Variants in MYH9 observed in about 807,000 individuals in gnomAD.
MYH9 encodes myosin-9.
MYH9 carries 29 observed loss-of-function variants against 241.9 expected under a neutral mutation model. That is an observed-to-expected ratio of 0.12 (90% CI 0.09 to 0.16). The LOEUF is 0.16. Among genes scored for constraint, MYH9 ranks in the 10% least tolerant of loss-of-function variants. The pLI is 1.00. For synonymous variants in MYH9, 1,047 were observed against 1,062.6 expected (o/e 0.99, Z 0.29); for missense variants, 1,803 against 2,595.5 (o/e 0.69, Z 6.63).
intron 1 of MYH9, among the ~76,000 whole-genome samples, chr22:36,357,144 C>A (rs370436708): frequency 1.3e-5 from 2 of 152,086 alleles, no homozygotes; most frequent in South Asian, 2.1e-4. Context: ...ACTGACTCAG[C>A]GAAGAAGAGG....
intron 1 of MYH9, among the ~76,000 whole-genome samples, chr22:36,356,738 G>A (rs1473441540): frequency 1.3e-5 from 2 of 152,190 alleles, no homozygotes; most frequent in African/African-American, 2.4e-5. Context: ...ATCCCAGGGG[G>A]TTTCTAATGA....
chr22:36,356,669 T>G (rs936937937), intron 1 of MYH9, among the ~76,000 whole-genome samples: 1 of 151,880 alleles, frequency 6.6e-6, no homozygotes, highest in Non-Finnish European at 1.5e-5. Context: ...GATTCACTTA[T>G]TCAATCAACT....
intron 2 of MYH9, among the ~76,000 whole-genome samples, chr22:36,346,953 G>A (rs1188672363): frequency 6.6e-6 from 1 of 152,088 alleles, no homozygotes; most frequent in Non-Finnish European, 1.5e-5. Context: ...AAAACATTTT[G>A]AGGACTGTTT....
At chr22:36,323,629 G>A (rs1346212952) in intron 5 of MYH9, among the ~76,000 whole-genome samples, 1 of 152,150 alleles carries the variant, frequency 6.6e-6, no homozygotes, top group Non-Finnish European at 1.5e-5. Context: ...ACCTGCCACA[G>A]ACGAGACCCA....
intron 2 of MYH9, among the ~76,000 whole-genome samples, chr22:36,347,862 A>G (rs539183638): frequency 6.6e-6 from 1 of 151,602 alleles, no homozygotes; most frequent in South Asian, 2.1e-4. Flanking sequence ...GCTTGGGGCA[A>G]ATGGTGAAGG....
intron 2 of MYH9, among the ~76,000 whole-genome samples, chr22:36,345,278 C>T (rs145136276): frequency 0.03 from 4,444 of 146,570 alleles, 214 homozygotes; most frequent in African/African-American, 0.11. Context: ...TGCCACTGCA[C>T]TCCAGCCTGG....
rs141703408 is a variant in MYH9 at position 36,289,854 on chromosome 22, A to T, written c.4345-557T>A. 1.7e-4 allele frequency among the ~76,000 whole-genome samples: 26 copies of T among 152,298 alleles called. 1 individual carries two copies. In the East Asian group the frequency reaches 4.8e-3, roughly 28 times the overall value. ...CTGACCATTTCCTAAAGGGCCAGAT[A>T]GTGCATTCTTTAGAGTATGCAGGCC... On this transcript the variant is annotated intron_variant, in intron 31 of 40. Transcript: ENST00000216181.
Position 36,305,937 on chromosome 22 carries a change from G to A in MYH9, c.2152C>T (p.Arg718Trp), listed in dbSNP as rs1184544985. ...CTCCGGGCCCTGGCTCACCTCTGCC[G>A]AAACTCCTGGAAGACCACCCTGTTG... is the stretch of plus-strand genomic sequence containing the variant. ...FPNRVVFQEF[R>W]QRYEILTPNS... is the part of the protein sequence containing the mutation. Residue 718 changes from arginine to tryptophan, a missense_variant, in exon 17 of 41, where the codon CGG (arginine) becomes TGG (tryptophan). By Grantham distance (101) the Arg-to-Trp change is moderately radical (BLOSUM62 -3). Coordinates refer to ENST00000216181, the MANE Select transcript of MYH9 (RefSeq NM_002473.6). This position sits in a 1 kb window ranked among gnomAD's most constrained non-coding sequence, Gnocchi z 4.7. The A allele has an allele frequency of 6.2e-7, 1 of 1,613,172 alleles. No individual in the cohort carries two copies. The highest frequency in any genetic ancestry group is 2.2e-5 in the East Asian group (1 of 44,874).
At chr22:36,312,429 G>A (rs2017079776) in intron 13 of MYH9, among the ~76,000 whole-genome samples, 1 of 152,220 alleles carries the variant, frequency 6.6e-6, no homozygotes, top group Admixed American at 6.5e-5. Context: ...CTTTACCCAA[G>A]GATCCATCGC....
Position 36,288,690 on chromosome 22 carries a change from C to A in MYH9, c.4770+37G>T, listed in dbSNP as rs1173215988. 1 of 1,599,128 alleles carries A rather than the reference C, an allele frequency of 6.3e-7. No homozygotes were observed. The highest frequency in any genetic ancestry group is 1.1e-5 in the South Asian group (1 of 91,038). Reference sequence around the variant, plus strand: ...GAAGCCTGCGTGAAGCCAAGGCAGCCTTGGGCACCCATGGGGTAGCAGGAG... The same window carrying A: ...GAAGCCTGCGTGAAGCCAAGGCAGCATTGGGCACCCATGGGGTAGCAGGAG... On this transcript the variant is annotated intron_variant, in intron 33 of 40. Transcript: ENST00000216181. This position sits in a 1 kb window ranked among gnomAD's most constrained non-coding sequence, Gnocchi z 4.8.
chr22:36,353,247 T>C (rs2017800690), intron 1 of MYH9, among the ~76,000 whole-genome samples: 1 of 152,132 alleles, frequency 6.6e-6, no homozygotes, highest in Admixed American at 6.6e-5. Context: ...AAAGAGCTGC[T>C]AAAAATTCAA....
intron 32 of MYH9, 22 bp downstream of exon 32, chr22:36,289,063 G>A (rs2016640708): frequency 1.2e-6 from 2 of 1,613,900 alleles, no homozygotes; most frequent in South Asian, 1.1e-5. Context: ...CCCAAGACCT[G>A]GCTGCCAGGC....
intron 12 of MYH9, 44 bp from the exon 13 acceptor site, chr22:36,314,362 C>T (rs1159517753): frequency 1.2e-6 from 2 of 1,610,030 alleles, no homozygotes; most frequent in Non-Finnish European, 8.5e-7. Flanking sequence ...CAACCCTGCA[C>T]TAAAGAGGCC....
chr22:36,293,901 A>AC lies in MYH9; in HGVS notation c.3838-39dup. On this transcript the variant is annotated intron_variant, in intron 28 of 40. Transcript: ENST00000216181. This position sits in a 1 kb window ranked among gnomAD's most constrained non-coding sequence, Gnocchi z 5.1. Reference sequence around the variant, plus strand: ...GGGAGACACAAAGGACCATGGACCCACCCCCACTGCTCCTGCCCCACCTCA... The same window carrying AC: ...GGGAGACACAAAGGACCATGGACCCACCCCCCACTGCTCCTGCCCCACCTCA... 6.4e-7 allele frequency: 1 copy of AC among 1,569,754 alleles called. No individual in the cohort carries two copies. The highest frequency in any genetic ancestry group is 8.7e-7 in the Non-Finnish European group (1 of 1,147,724).
At chr22:36,308,208 T>C (rs2146350483) in intron 15 of MYH9, among the ~76,000 whole-genome samples, 3 of 152,272 alleles carry the variant, frequency 2.0e-5, no homozygotes, top group African/African-American at 7.2e-5. Context: ...TTTAAGACGC[T>C]GTCTTTAGGC....
Position 36,293,202 on chromosome 22 carries a change from G to A in MYH9, c.4095+127C>T, listed in dbSNP as rs2016733866. On this transcript the variant is annotated intron_variant, in intron 30 of 40. Coordinates refer to ENST00000216181, the MANE Select transcript of MYH9 (RefSeq NM_002473.6). The surrounding 1 kb of genome is among the most constrained non-coding windows in gnomAD (Gnocchi z 5.1). ...AGCACTGATGTGGGAGAGCACGGTT[G>A]GCTTCCCAGGGGGAGAGCAGCAATG... The A allele has an allele frequency of 1.1e-5, 14 of 1,222,038 alleles. No homozygotes were observed. The highest frequency in any genetic ancestry group is 1.6e-5 in the Non-Finnish European group (14 of 860,206). The allele number at this position is 1,222,038 out of a possible 1,614,324, so 75.7% of individuals were successfully genotyped here. A position where few individuals can be genotyped will look rare whatever the true frequency, so the allele number is the denominator to read the frequency against.
At chr22:36,384,424 GAT>G (rs2018307649) in intron 1 of MYH9, among the ~76,000 whole-genome samples, 1 of 142,886 alleles carries the variant, frequency 7.0e-6, no homozygotes, top group African/African-American at 2.6e-5. Flanking sequence ...CTCAACTACA[GAT>G]ATAAAAACTA....
chr22:36,371,138 T>C (rs2146416475), intron 1 of MYH9, among the ~76,000 whole-genome samples: 1 of 152,338 alleles, frequency 6.6e-6, no homozygotes, highest in African/African-American at 2.4e-5. Flanking sequence ...TACTCCCTTC[T>C]TCCCTGTTAC....
rs776328085 is a variant in MYH9 at position 36,293,305 on chromosome 22, G to A, written c.4095+24C>T. ...AGCAGCTCCCCAGCCTGCAGAGTCC[G>A]GCCGGTCCCCCAGGCCTCCAAACCT... On this transcript the variant is annotated intron_variant, in intron 30 of 40. Transcript: ENST00000216181. The surrounding 1 kb of genome is among the most constrained non-coding windows in gnomAD (Gnocchi z 5.1). 1.8e-5 allele frequency: 29 copies of A among 1,613,570 alleles called. No individual in the cohort carries two copies. The highest frequency in any genetic ancestry group is 2.1e-5 in the Non-Finnish European group (25 of 1,179,966).
Sources: allele counts gnomAD v4.1 joint callset (sites outside exome capture counted in the v4.1 genomes callset), GRCh38; gene constraint gnomAD v4.1.1; non-coding constraint Gnocchi (gnomAD v3.1); transcripts MANE v1.5; gene names NCBI Gene and HGNC (gene_info 2026-07-23, HGNC 2026-07-21).